Variants in ANKRD12 observed in about 807,000 individuals in gnomAD.
ANKRD12 encodes the protein ankyrin repeat domain-containing protein 12.
In ANKRD12, 85 loss-of-function variants were observed where a neutral mutation model predicts 183.4. The ratio of observed to expected loss-of-function variants is 0.46; its 90% confidence interval spans 0.39 to 0.56. ANKRD12 has a LOEUF of 0.56. ANKRD12 is among the 20% of genes least tolerant of loss of function. The probability of loss-of-function intolerance (pLI) is 0.00; values close to 1 mark genes in which losing one functional copy is unlikely to be tolerated. For missense variants in ANKRD12, 2,405 were observed against 2,357.1 expected, an observed-to-expected ratio of 1.02 and a Z score of -0.42; for synonymous variants, 914 against 800.2, an observed-to-expected ratio of 1.14 and a Z score of -2.40.
intron 1 of ANKRD12, among the ~76,000 whole-genome samples, chr18:9,145,989 A>AT (rs1348740738): frequency 6.6e-6 from 1 of 152,144 alleles, no homozygotes; most frequent in African/African-American, 2.4e-5. Context: ...GAAGTTGTAG[A>AT]TTTTTTGGTG....
At chr18:9,183,361 T>A (rs550188365) in intron 2 of ANKRD12, among the ~76,000 whole-genome samples, 1 of 152,302 alleles carries the variant, frequency 6.6e-6, no homozygotes, top group Non-Finnish European at 1.5e-5. Flanking sequence ...CTTAATATTG[T>A]CTTCCAATCC....
At chr18:9,279,797 C>T (rs575455830) in intron 12 of ANKRD12, among the ~76,000 whole-genome samples, 153 bp downstream of exon 12, 111 of 151,802 alleles carry the variant, frequency 7.3e-4, no homozygotes, top group Non-Finnish European at 1.4e-3. Context: ...AGATAAAGAC[C>T]ACAAGTCCAT....
intron 1 of ANKRD12, among the ~76,000 whole-genome samples, chr18:9,178,737 T>G (rs1308816678): frequency 6.6e-6 from 1 of 152,186 alleles, no homozygotes; most frequent in African/African-American, 2.4e-5. Flanking sequence ...TAGAGCAATT[T>G]GGAGAGACTG....
rs766341252 is a variant in ANKRD12, at chr18:9,256,868, T to A, written c.3601T>A (p.Ser1201Thr). ...AGAAAATGAAAAGCCGGGTCTCAGCTCCAGATCTGTATCCATGATTTCTGT... is the reference window on the plus strand; with the variant it reads ...AGAAAATGAAAAGCCGGGTCTCAGCACCAGATCTGTATCCATGATTTCTGT... ...RSENEKPGLS[S>T]RSVSMISVAS... Residue 1201 changes from serine (S) to threonine (T), a missense_variant, in exon 9 of 13, where the codon TCC becomes ACC. Transcript: ENST00000262126. The A allele has an allele frequency of 1.9e-6, 3 of 1,613,946 alleles. No individual in the cohort carries two copies. Among genetic ancestry groups the A allele is most frequent in the Non-Finnish European group, 2.5e-6 (3 of 1,179,954 alleles).
intron 11 of ANKRD12, among the ~76,000 whole-genome samples, chr18:9,278,719 C>A (rs984962383): frequency 2.0e-5 from 3 of 151,958 alleles, no homozygotes; most frequent in Non-Finnish European, 4.4e-5. Flanking sequence ...ATCGCCTGAA[C>A]CTGGGAGGTG....
intron 1 of ANKRD12, among the ~76,000 whole-genome samples, chr18:9,171,542 G>C (rs1169065410): frequency 6.6e-6 from 1 of 152,160 alleles, no homozygotes; most frequent in Admixed American, 6.5e-5. Context: ...GTACTTCAGT[G>C]TGTTTTGTAG....
At position 9,220,831 on chromosome 18, in the gene ANKRD12, A is replaced by G. The variant is rs2036381080; in HGVS notation, c.796-1021A>G. On this transcript the variant is annotated intron_variant, in intron 7 of 12. Transcript: ENST00000262126. Reference sequence around the variant, plus strand: ...GATGATATATATTAGAACATGAGAGAGTATATCAAGGACAGAGTCATAGGG... The same window carrying G: ...GATGATATATATTAGAACATGAGAGGGTATATCAAGGACAGAGTCATAGGG... Among the ~76,000 whole-genome samples, 4 of 152,180 alleles carry G rather than the reference A, an allele frequency of 2.6e-5. No individual in the cohort carries two copies. In the South Asian group the frequency reaches 8.3e-4, roughly 32 times the overall value.
chr18:9,283,347 C>T lies in ANKRD12; in HGVS notation c.*2221C>T, dbSNP rs1204029556. On this transcript the variant is annotated 3_prime_UTR_variant, in exon 13 of 13. Coordinates refer to ENST00000262126, the MANE Select transcript of ANKRD12 (RefSeq NM_015208.5). ...TAGTCTTAACCACAGTTCTCACTCT[C>T]TTAAATGGTACCTCAAAAAGCTGGA... The T allele has an allele frequency of 1.3e-5, 2 of 152,162 alleles. No individual in the cohort carries two copies. Among genetic ancestry groups the T allele is most frequent in the Non-Finnish European group, 2.9e-5 (2 of 68,008 alleles). 9.4% of individuals were successfully genotyped at this position (152,162 alleles called of 1,614,324 possible).
rs765822577 is a variant in ANKRD12, at chr18:9,221,820, G to T, written c.796-32G>T. Reference sequence around the variant, plus strand: ...GGTGCAGTGATAACAATCTGTGAAGGGACTAAGTCTTCCTGCTTTTTATTG... The same window carrying T: ...GGTGCAGTGATAACAATCTGTGAAGTGACTAAGTCTTCCTGCTTTTTATTG... On this transcript the variant is annotated intron_variant, in intron 7 of 12. Coordinates refer to ENST00000262126, the MANE Select transcript of ANKRD12 (RefSeq NM_015208.5). The T allele has an allele frequency of 2.5e-6, 4 of 1,610,410 alleles. No homozygotes were observed. In the Admixed American group the frequency reaches 6.7e-5, roughly 27 times the overall value.
At chr18:9,238,901 C>G (rs1019964691) in intron 8 of ANKRD12, among the ~76,000 whole-genome samples, 3 of 152,198 alleles carry the variant, frequency 2.0e-5, no homozygotes, top group Non-Finnish European at 4.4e-5. Context: ...ACGGGTGAAT[C>G]ACCTGAGTCC....
intron 11 of ANKRD12, among the ~76,000 whole-genome samples, chr18:9,276,534 T>G (rs2039842898): frequency 6.6e-6 from 1 of 151,872 alleles, no homozygotes; most frequent in African/African-American, 2.4e-5. Flanking sequence ...GGAAACATGG[T>G]GAAACCCCGT....
In ANKRD12 at chr18:9,269,713, A is replaced by G. The variant is rs149367051; in HGVS notation, c.5764-5811A>G. 1.2e-3 allele frequency among the ~76,000 whole-genome samples: 178 copies of G among 152,384 alleles called. 1 individual carries two copies. Among genetic ancestry groups the G allele is most frequent in the African/African-American group, 4.1e-3 (170 of 41,602 alleles). On this transcript the variant is annotated intron_variant, in intron 10 of 12. Transcript: ENST00000262126. ...ACCATTCAGGACATAGGCATGGGCAAGGACTTCATGGCTGAAACACCAAAG... is the reference window on the plus strand; with the variant it reads ...ACCATTCAGGACATAGGCATGGGCAGGGACTTCATGGCTGAAACACCAAAG...
chr18:9,255,254 G>A lies in ANKRD12; in HGVS notation c.1987G>A (p.Glu663Lys), dbSNP rs867946825. The A allele has an allele frequency of 1.3e-6, 2 of 1,560,864 alleles. No homozygotes were observed. The highest frequency in any genetic ancestry group is 8.6e-7 in the Non-Finnish European group (1 of 1,162,296). ...ATTGAAGCATAAAGAGAGGGAAAAA[G>A]AAAAGCATAAAAAAGAAATTGAAGG... ...HKLKHKEREK[E>K]KHKKEIEGEK... Residue 663 changes from glutamate to lysine, a missense_variant, in exon 9 of 13, where the codon GAA (glutamate) becomes AAA (lysine). By Grantham distance (56) the Glu-to-Lys change is moderately conservative. Around this residue, in one of 7 missense-constraint regions of ANKRD12, gnomAD observed 1,983 missense variants for 1,725.9 expected, o/e 1.15. Coordinates refer to ENST00000262126, the MANE Select transcript of ANKRD12 (RefSeq NM_015208.5).
chr18:9,264,467 A>C (rs990113845), intron 10 of ANKRD12, among the ~76,000 whole-genome samples: 1 of 152,200 alleles, frequency 6.6e-6, no homozygotes, highest in Non-Finnish European at 1.5e-5. Context: ...AAATATATAC[A>C]TACTCATATG....
At chr18:9,152,937 C>CTCACTCTTATTA (rs2078730382) in intron 1 of ANKRD12, among the ~76,000 whole-genome samples, 1 of 151,806 alleles carries the variant, frequency 6.6e-6, no homozygotes, top group Non-Finnish European at 1.5e-5. Context: ...ATGAAATAGA[C>CTCACTCTTATTA]TTATTAGATT....
In ANKRD12 at chr18:9,157,585, G is replaced by GTGTGTATA. The variant is rs1472659778; in HGVS notation, c.-52+20621_-52+20622insGTGTATAT. 9.3e-3 allele frequency among the ~76,000 whole-genome samples: 865 copies of GTGTGTATA among 92,586 alleles called. 9 individuals carry two copies. Among genetic ancestry groups the GTGTGTATA allele is most frequent in the Middle Eastern group, 0.037 (6 of 162 alleles). 60.7% of individuals were successfully genotyped at this position (92,586 alleles called of 152,430 possible). Reference sequence around the variant, plus strand: ...TGTGTGTGTGTGTGTGTGTGTGTGTGTATATATATATATATGTATTTTTTT... The same window carrying GTGTGTATA: ...TGTGTGTGTGTGTGTGTGTGTGTGTGTGTGTATATATATATATATATATGTATTTTTTT... On this transcript the variant is annotated intron_variant, in intron 1 of 12. Transcript: ENST00000262126.
intron 10 of ANKRD12, among the ~76,000 whole-genome samples, chr18:9,269,011 C>T (rs1282566430): frequency 1.3e-5 from 2 of 152,052 alleles, no homozygotes. Flanking sequence ...GAGTGAACTC[C>T]CATTCACAAT....
chr18:9,260,183 C>A (rs2038882297), intron 9 of ANKRD12: 1 of 152,166 alleles, frequency 6.6e-6, no homozygotes, highest in Non-Finnish European at 1.5e-5. Flanking sequence ...TCCCAGCCAA[C>A]TAATTGCCAT....
At chr18:9,235,327 C>G (rs1346843503) in intron 8 of ANKRD12, among the ~76,000 whole-genome samples, 1 of 151,986 alleles carries the variant, frequency 6.6e-6, no homozygotes, top group African/African-American at 2.4e-5. Context: ...TGCCTGTTAA[C>G]AAAAACAAAA....
Sources: allele counts gnomAD v4.1 joint callset (sites outside exome capture counted in the v4.1 genomes callset), GRCh38; gene constraint gnomAD v4.1.1; regional missense constraint gnomAD v4.1.1; transcripts MANE v1.5; gene names NCBI Gene and HGNC (gene_info 2026-07-23, HGNC 2026-07-21).